TBCK: variants seen among roughly 807,000 people sequenced by gnomAD.
The protein encoded by TBCK is TBC domain-containing protein kinase-like protein.
TBCK carries 99 observed loss-of-function variants against 113.4 expected under a neutral mutation model. The observed-to-expected ratio is 0.87, with a 90% CI of 0.74 to 1.03. The LOEUF is 1.03. Among genes scored for constraint, TBCK ranks in the 50% least tolerant of loss-of-function variants. The probability of loss-of-function intolerance (pLI) is 0.00; values close to 1 mark genes in which losing one functional copy is unlikely to be tolerated. For synonymous variants in TBCK, 369 were observed against 370.8 expected, an observed-to-expected ratio of 1.00 and a Z score of 0.05; for missense variants, 1,045 against 1,061.3, an observed-to-expected ratio of 0.98 and a Z score of 0.21.
Position 106,136,995 on chromosome 4 carries a change from T to C in TBCK, c.2236-20617A>G, listed in dbSNP as rs1334854797. On this transcript the variant is annotated intron_variant, in intron 23 of 25. Transcript: ENST00000394708. ...AATAATGGCTCTTAAGTTTTGAACA[T>C]GGTTGATTAGAAAAAAAGATATTAA... Among the ~76,000 whole-genome samples the C allele has an allele frequency of 2.1e-5, 3 of 140,718 alleles. 1 individual carries two copies. The highest frequency in any genetic ancestry group is 3.2e-5 in the Non-Finnish European group (2 of 62,000). 92.3% of individuals were successfully genotyped at this position (140,718 alleles called of 152,430 possible).
At chr4:106,066,868 T>A (rs1560598051) in intron 25 of TBCK, among the ~76,000 whole-genome samples, 1 of 152,110 alleles carries the variant, frequency 6.6e-6, no homozygotes, top group African/African-American at 2.4e-5. Flanking sequence ...TGTCTTTTTA[T>A]GGCTGAACAT....
chr4:106,212,020 T>G lies in TBCK; in HGVS notation c.1860+730A>C, dbSNP rs189298532. 1.2e-3 allele frequency among the ~76,000 whole-genome samples: 179 copies of G among 152,220 alleles called. 1 individual carries two copies. Among genetic ancestry groups the G allele is most frequent in the African/African-American group, 4.0e-3 (167 of 41,564 alleles). ...CTTAACTTTTGAATGAATAATACATTCACAGTGTTAAAAAAAATTTTTTAA... is the reference window on the plus strand; with the variant it reads ...CTTAACTTTTGAATGAATAATACATGCACAGTGTTAAAAAAAATTTTTTAA... On this transcript the variant is annotated intron_variant, in intron 20 of 25. Coordinates refer to ENST00000394708, the MANE Select transcript of TBCK (RefSeq NM_001163435.3).
intron 20 of TBCK, among the ~76,000 whole-genome samples, chr4:106,200,942 T>A (rs1057208639): frequency 8.5e-5 from 13 of 152,074 alleles, no homozygotes; most frequent in Non-Finnish European, 1.8e-4. Context: ...AGTTAGTCCT[T>A]CCTTGCTTAA....
chr4:106,179,961 A>G (rs1264686420), intron 22 of TBCK, among the ~76,000 whole-genome samples: 2 of 152,024 alleles, frequency 1.3e-5, no homozygotes, highest in African/African-American at 2.4e-5. Context: ...TCCTCTTGCT[A>G]TATTGACTTT....
At chr4:106,104,768 CT>C (rs1741947474) in intron 24 of TBCK, among the ~76,000 whole-genome samples, 1 of 152,252 alleles carries the variant, frequency 6.6e-6, no homozygotes, top group Non-Finnish European at 1.5e-5. Context: ...CCATACCTCC[CT>C]GGGACAAAGC....
chr4:106,200,617 T>C (rs566637451), intron 20 of TBCK, among the ~76,000 whole-genome samples: 7 of 152,228 alleles, frequency 4.6e-5, no homozygotes, highest in African/African-American at 1.7e-4. Context: ...CTTTTTTTTT[T>C]AAATTAGAAC....
chr4:106,107,140 G>C (rs1742261884), intron 24 of TBCK, among the ~76,000 whole-genome samples: 1 of 152,098 alleles, frequency 6.6e-6, no homozygotes, highest in African/African-American at 2.4e-5. Flanking sequence ...CATAAAGCAA[G>C]TTCTTAGAGA....
chr4:106,225,866 T>TA (rs975440340), intron 19 of TBCK, among the ~76,000 whole-genome samples: 1 of 152,076 alleles, frequency 6.6e-6, no homozygotes, highest in African/African-American at 2.4e-5. Context: ...GTATGCCTTT[T>TA]AAAAGTGTGT....
At chr4:106,205,085 T>C (rs938754377) in intron 20 of TBCK, among the ~76,000 whole-genome samples, 3 of 152,136 alleles carry the variant, frequency 2.0e-5, no homozygotes, top group Non-Finnish European at 4.4e-5. Context: ...TTTTTTTAAA[T>C]GTACAAAGTG....
At chr4:106,282,974 C>T (rs1249805288) in intron 3 of TBCK, among the ~76,000 whole-genome samples, 1 of 152,020 alleles carries the variant, frequency 6.6e-6, no homozygotes, top group Non-Finnish European at 1.5e-5. Flanking sequence ...AAGAATTCTT[C>T]CCCAGAGCCA....
chr4:106,212,953 T>G, intron 19 of TBCK, 118 bp from the exon 20 acceptor site: 1 of 658,968 alleles, frequency 1.5e-6, no homozygotes, highest in Non-Finnish European at 2.6e-6. Flanking sequence ...GAGAATACTT[T>G]ACGTGATAAT....
chr4:106,045,197 C>T lies in TBCK; in HGVS notation c.*1373G>A, dbSNP rs1221365886. ...CCTCAGCCTCCTGAGTAGCTGGGAC[C>T]GCAGACGTGTGCCACTATGACCAGC... On this transcript the variant is annotated 3_prime_UTR_variant, in exon 26 of 26. Coordinates refer to ENST00000394708, the MANE Select transcript of TBCK (RefSeq NM_001163435.3). 3 of 151,510 alleles carry T rather than the reference C, an allele frequency of 2.0e-5. No individual in the cohort carries two copies. The highest frequency in any genetic ancestry group is 2.9e-5 in the Non-Finnish European group (2 of 67,866). The allele number at this position is 151,510 out of a possible 1,614,324, so 9.4% of individuals were successfully genotyped here.
intron 3 of TBCK, among the ~76,000 whole-genome samples, chr4:106,269,061 T>C (rs988812098): frequency 6.6e-6 from 1 of 152,126 alleles, no homozygotes; most frequent in African/African-American, 2.4e-5. Context: ...TAAAACCTGA[T>C]CACTCCCACA....
intron 25 of TBCK, among the ~76,000 whole-genome samples, chr4:106,092,671 G>A (rs1022503244): frequency 2.6e-5 from 4 of 152,186 alleles, no homozygotes; most frequent in Admixed American, 6.5e-5. Flanking sequence ...GCCCAGAGCC[G>A]GCCGGCTGCT....
At chr4:106,310,293 T>C (rs779407472) in intron 1 of TBCK, 1 of 151,906 alleles carries the variant, frequency 6.6e-6, no homozygotes, top group Admixed American at 6.5e-5. Context: ...CAAAACAAAA[T>C]ATATAAGGAA....
At chr4:106,176,975 A>C (rs72677346) in intron 22 of TBCK, among the ~76,000 whole-genome samples, 1 of 142,932 alleles carries the variant, frequency 7.0e-6, no homozygotes, top group African/African-American at 2.6e-5. Context: ...TTTTTTTTTT[A>C]AATACAGGGT....
chr4:106,125,723 T>C (rs1380076890), intron 23 of TBCK, among the ~76,000 whole-genome samples: 2 of 151,756 alleles, frequency 1.3e-5, no homozygotes, highest in Non-Finnish European at 2.9e-5. Context: ...GTTTGGGACA[T>C]AGGGGGAGAG....
chr4:106,134,783 C>T (rs1335453524), intron 23 of TBCK, among the ~76,000 whole-genome samples: 1 of 152,098 alleles, frequency 6.6e-6, no homozygotes. Flanking sequence ...ATTAATTTAC[C>T]TTGTACCTCT....
At chr4:106,063,247 T>C (rs978084315) in intron 25 of TBCK, among the ~76,000 whole-genome samples, 4 of 151,994 alleles carry the variant, frequency 2.6e-5, no homozygotes, top group African/African-American at 4.8e-5. Context: ...CCAGTGCTTA[T>C]AGGTATAACA....
Sources: allele counts gnomAD v4.1 joint callset (sites outside exome capture counted in the v4.1 genomes callset), GRCh38; gene constraint gnomAD v4.1.1; transcripts MANE v1.5; gene names NCBI Gene and HGNC (gene_info 2026-07-23, HGNC 2026-07-21).